The following TMEM164 variants were observed in gnomAD, a reference collection of about 807,000 sequenced individuals.
The protein encoded by TMEM164 is RP13-360B22.2.
TMEM164 carries 4 observed loss-of-function variants against 18.8 expected under a neutral mutation model. The ratio of observed to expected loss-of-function variants is 0.21; its 90% CI spans 0.10 to 0.49. The LOEUF is 0.49. TMEM164 is among the 20% of genes least tolerant of loss of function. The pLI is 0.98. For missense variants in TMEM164, 108 were observed against 239.9 expected (o/e 0.45, Z 3.63); for synonymous variants, 86 against 101.7 (o/e 0.85, Z 0.93).
chrX:110,149,453 T>TG (rs769436593), intron 5 of TMEM164, among the ~76,000 whole-genome samples: 1 of 112,094 alleles, frequency 8.9e-6, no homozygotes, highest in Non-Finnish European at 1.9e-5. Context: ...TTGCATTGGA[T>TG]GGTATTGATC....
At chrX:110,016,888 C>T (rs59164058) in intron 2 of TMEM164, among the ~76,000 whole-genome samples, 2,826 of 111,115 alleles carry the variant, frequency 0.025, 100 homozygotes, top group African/African-American at 0.088. Flanking sequence ...AATTCCTGGG[C>T]TCAAGCGATT....
intron 2 of TMEM164, among the ~76,000 whole-genome samples, chrX:110,063,738 A>G (rs898966668): frequency 1.8e-5 from 2 of 111,575 alleles, no homozygotes; most frequent in Admixed American, 1.9e-4. Context: ...GGTGGGAGCT[A>G]TAATGAACCT....
At chrX:110,020,468 A>T (rs1400224298) in intron 2 of TMEM164, 3 of 753,830 alleles carry the variant, frequency 4.0e-6, no homozygotes, top group East Asian at 3.0e-4. Flanking sequence ...AGAGGAGAGC[A>T]TCATGCAAGC....
At chrX:110,021,700 A>G (rs1933874108) in intron 2 of TMEM164, among the ~76,000 whole-genome samples, 1 of 111,928 alleles carries the variant, frequency 8.9e-6, no homozygotes, top group South Asian at 3.7e-4. Flanking sequence ...ATGAGATCTC[A>G]GGCCAATTAA....
intron 5 of TMEM164, among the ~76,000 whole-genome samples, chrX:110,163,698 T>G (rs1262412949): frequency 1.8e-5 from 2 of 112,266 alleles, no homozygotes; most frequent in African/African-American, 6.5e-5. Flanking sequence ...ATGGACTTAA[T>G]CCAGTAGAGA....
chrX:110,049,927 G>A (rs1935478861), intron 2 of TMEM164, among the ~76,000 whole-genome samples: 2 of 111,249 alleles, frequency 1.8e-5, no homozygotes, highest in African/African-American at 3.3e-5. Context: ...TAAAACCATC[G>A]TAAGCCCAAA....
intron 5 of TMEM164, among the ~76,000 whole-genome samples, chrX:110,164,230 GTT>G (rs892662735): frequency 9.0e-6 from 1 of 111,308 alleles, no homozygotes; most frequent in East Asian, 2.8e-4. Context: ...CCAGGGCTGG[GTT>G]TTTTTTCCAG....
chrX:110,108,122 G>GTGTGTGTC (rs1569332369), intron 3 of TMEM164, among the ~76,000 whole-genome samples: 1 of 104,912 alleles, frequency 9.5e-6, no homozygotes, highest in African/African-American at 3.6e-5. Flanking sequence ...GTGTGTGTGT[G>GTGTGTGTC]TGTGATTGAG....
intron 2 of TMEM164, among the ~76,000 whole-genome samples, chrX:110,013,518 A>G (rs890260380): frequency 8.9e-6 from 1 of 112,350 alleles, no homozygotes; most frequent in African/African-American, 3.2e-5. Context: ...TGTACACATC[A>G]GGGCCAGATA....
chrX:110,019,377 C>A (rs1024665226), intron 2 of TMEM164, among the ~76,000 whole-genome samples: 1 of 110,876 alleles, frequency 9.0e-6, no homozygotes, highest in Non-Finnish European at 1.9e-5. Context: ...CTTTGATTCC[C>A]CTGCCCTGGT....
intron 5 of TMEM164, 105 bp downstream of exon 5, chrX:110,144,981 C>T (rs1240817666): frequency 2.3e-5 from 13 of 562,353 alleles, no homozygotes; most frequent in Admixed American, 6.1e-5. Flanking sequence ...CTTCAGCTGC[C>T]GCTTGACTGA....
chrX:110,045,471 T>A, intron 2 of TMEM164, among the ~76,000 whole-genome samples: 1 of 111,784 alleles, frequency 8.9e-6, no homozygotes, highest in Non-Finnish European at 1.9e-5. Flanking sequence ...TGTATTTTAC[T>A]ATGCCTTCTG....
intron 3 of TMEM164, among the ~76,000 whole-genome samples, chrX:110,073,615 C>T (rs982460109): frequency 4.5e-5 from 5 of 111,398 alleles, no homozygotes; most frequent in African/African-American, 1.6e-4. Flanking sequence ...GATGAATATA[C>T]GGGTACTTGT....
chrX:110,178,807 C>G (rs189929411), downstream of TMEM164, among the ~76,000 whole-genome samples: 1 of 112,562 alleles, frequency 8.9e-6, no homozygotes, highest in African/African-American at 3.2e-5. Context: ...GCAATGCTGT[C>G]CTTGTACGGT....
chrX:110,130,150 A>G (rs960823466), intron 4 of TMEM164, among the ~76,000 whole-genome samples: 1 of 112,336 alleles, frequency 8.9e-6, no homozygotes, highest in African/African-American at 3.2e-5. Flanking sequence ...TTCCAGATCC[A>G]TGCTCACAGG....
At chrX:110,132,754 T>G (rs1250572023) in intron 4 of TMEM164, among the ~76,000 whole-genome samples, 1 of 111,917 alleles carries the variant, frequency 8.9e-6, no homozygotes, top group African/African-American at 3.3e-5. Context: ...TTGAGATGGG[T>G]TTTTGGTCAT....
At chrX:110,150,386 CA>C (rs1383002239) in intron 5 of TMEM164, among the ~76,000 whole-genome samples, 1 of 112,001 alleles carries the variant, frequency 8.9e-6, no homozygotes, top group Non-Finnish European at 1.9e-5. Flanking sequence ...CACCCATGGT[CA>C]GGGGTTTGGC....
intron 2 of TMEM164, among the ~76,000 whole-genome samples, chrX:110,062,109 T>TA (rs1936147412): frequency 1.8e-5 from 2 of 111,967 alleles, no homozygotes; most frequent in Non-Finnish European, 3.8e-5. Context: ...AAAGCTTCCA[T>TA]AAATAAAAAC....
At chrX:110,108,068 CTGTGTGTGTGTGTGTGTGTGTGTGTG>C (rs56714507) in intron 3 of TMEM164, among the ~76,000 whole-genome samples, 3 of 46,373 alleles carry the variant, frequency 6.5e-5, no homozygotes, top group African/African-American at 1.8e-4. Flanking sequence ...AGGAGGTATG[CTGTGTGTGTGTGTGTGTGTGTGTGTG>C]TGTGTGTGTG....
Sources: gnomAD v4.1 joint callset for allele counts (sites outside exome capture counted in the v4.1 genomes callset) on GRCh38, gnomAD v4.1.1 for gene constraint, MANE v1.5 for transcripts, NCBI Gene and HGNC (gene_info 2026-07-23, HGNC 2026-07-21) for gene names.